The following ZFHX3 variants were observed in gnomAD, a reference collection of about 807,000 sequenced individuals.
The protein encoded by ZFHX3 is zinc finger homeobox protein 3.
ZFHX3 carries 42 observed loss-of-function variants against 279.1 expected under a neutral mutation model. The observed-to-expected ratio is 0.15, with a 90% CI of 0.12 to 0.19. The LOEUF (loss-of-function observed/expected upper bound fraction) is 0.19, where lower values mean the gene tolerates loss of function less well. ZFHX3 is among the 10% of genes least tolerant of loss of function. The pLI is 1.00. For synonymous variants in ZFHX3, 2,293 were observed against 1,957.8 expected (o/e 1.17, Z -4.52); for missense variants, 4,981 against 4,754.0 (o/e 1.05, Z -1.40).
intron 2 of ZFHX3, among the ~76,000 whole-genome samples, chr16:73,649,495 T>A (rs537915904): frequency 5.3e-5 from 8 of 152,220 alleles, no homozygotes; most frequent in Non-Finnish European, 1.2e-4. Flanking sequence ...AGTGATTGTC[T>A]TTGGGTAAGA....
At chr16:73,323,123 G>A (rs897487557) in intron 3 of ZFHX3, among the ~76,000 whole-genome samples, 6 of 152,134 alleles carry the variant, frequency 3.9e-5, no homozygotes, top group Admixed American at 6.5e-5. Context: ...GAAGGAGAGC[G>A]ATCATCATGG....
At chr16:73,538,413 G>A (rs959369539) in intron 2 of ZFHX3, among the ~76,000 whole-genome samples, 1 of 152,130 alleles carries the variant, frequency 6.6e-6, no homozygotes, top group East Asian at 1.9e-4. Context: ...AGCTCTGAAG[G>A]TATCATCATT....
chr16:73,122,092 T>C (rs1966506062), intron 7 of ZFHX3, among the ~76,000 whole-genome samples: 1 of 152,202 alleles, frequency 6.6e-6, no homozygotes, highest in African/African-American at 2.4e-5. Context: ...GCAGGAACCA[T>C]ATTTTATATT....
chr16:73,331,097 A>G (rs761123094), intron 3 of ZFHX3, among the ~76,000 whole-genome samples: 19 of 152,198 alleles, frequency 1.2e-4, no homozygotes, highest in East Asian at 1.9e-4. Context: ...GAGGCCTCAG[A>G]AAACTTACAA....
chr16:72,811,522 G>T, intron 7 of ZFHX3, 55 bp downstream of exon 7: 1 of 1,460,780 alleles, frequency 6.8e-7, no homozygotes, highest in Non-Finnish European at 9.2e-7. Context: ...CCATGTTACT[G>T]CATCACCTTT....
At chr16:72,882,093 C>A (rs777741695) in intron 4 of ZFHX3, among the ~76,000 whole-genome samples, 1 of 151,874 alleles carries the variant, frequency 6.6e-6, no homozygotes, top group Non-Finnish European at 1.5e-5. Flanking sequence ...CCGCCCAATG[C>A]TCACCCCTCA....
intron 5 of ZFHX3, among the ~76,000 whole-genome samples, chr16:73,205,077 G>A (rs1284925378): frequency 1.3e-5 from 2 of 152,104 alleles, no homozygotes; most frequent in African/African-American, 4.8e-5. Flanking sequence ...AACGAGTGTG[G>A]GCTGCTCAGA....
At chr16:73,106,640 A>G (rs1966308642) in intron 7 of ZFHX3, among the ~76,000 whole-genome samples, 1 of 152,210 alleles carries the variant, frequency 6.6e-6, no homozygotes, top group South Asian at 2.1e-4. Flanking sequence ...GGCTGTTGTA[A>G]TTCTGTGCAA....
chr16:73,623,390 C>A (rs2052386007), intron 2 of ZFHX3, among the ~76,000 whole-genome samples: 1 of 152,016 alleles, frequency 6.6e-6, no homozygotes, highest in Admixed American at 6.6e-5. Context: ...TAATTCAAAA[C>A]TGTGAATCTT....
At chr16:73,244,501 G>A (rs1241030959) in intron 5 of ZFHX3, among the ~76,000 whole-genome samples, 1 of 152,204 alleles carries the variant, frequency 6.6e-6, no homozygotes, top group Non-Finnish European at 1.5e-5. Context: ...ACTGATTATG[G>A]CATAACAGTC....
At chr16:73,791,757 G>A (rs146971137) in intron 1 of ZFHX3, among the ~76,000 whole-genome samples, 289 of 152,272 alleles carry the variant, frequency 1.9e-3, no homozygotes, top group African/African-American at 6.5e-3. Flanking sequence ...CCCGGATAAC[G>A]CTAATGTTGC....
At chr16:73,445,302 A>ATGTG (rs71156166) in intron 3 of ZFHX3, among the ~76,000 whole-genome samples, 3,716 of 149,494 alleles carry the variant, frequency 0.025, 162 homozygotes, top group African/African-American at 0.085. Context: ...ATGTATATGT[A>ATGTG]TGTGTGTGTG....
intron 3 of ZFHX3, among the ~76,000 whole-genome samples, chr16:72,903,457 C>T (rs1567574542): frequency 6.6e-6 from 1 of 152,194 alleles, no homozygotes; most frequent in Non-Finnish European, 1.5e-5. Context: ...ACAAGGCAGG[C>T]TTCTAGTAGG....
chr16:73,510,654 T>C (rs923292675), intron 2 of ZFHX3, among the ~76,000 whole-genome samples: 4 of 152,250 alleles, frequency 2.6e-5, no homozygotes, highest in Non-Finnish European at 5.9e-5. Context: ...ATCACTGTGA[T>C]GTGAATAGCA....
At chr16:73,310,948 C>T (rs982245399) in intron 4 of ZFHX3, among the ~76,000 whole-genome samples, 6 of 152,046 alleles carry the variant, frequency 3.9e-5, no homozygotes, top group African/African-American at 1.4e-4. Flanking sequence ...ACACAAACAC[C>T]CCAGCCAGGT....
intron 8 of ZFHX3, among the ~76,000 whole-genome samples, chr16:73,071,492 G>T (rs1965826918): frequency 1.3e-5 from 2 of 152,012 alleles, no homozygotes; most frequent in African/African-American, 4.8e-5. Flanking sequence ...CGCCGCCGCC[G>T]CCGCCGATAC....
At position 73,836,389 on chromosome 16, in the gene ZFHX3, G is replaced by A. The variant is rs74879696; in HGVS notation, c.-1608+55262C>T. ...ATTTAAAGTGAGATTCTTAAATACC[G>A]AAATGGGTTATTTAACATGTTCATT... On this transcript the variant is annotated intron_variant, in intron 1 of 17. Transcript: ENST00000641206. Among the ~76,000 whole-genome samples the A allele has an allele frequency of 1.4e-4, 21 of 152,296 alleles. No individual in the cohort carries two copies. The East Asian group carries it at 3.3e-3, about 24-fold the overall frequency.
chr16:72,943,637 A>G (rs556502568), intron 3 of ZFHX3, among the ~76,000 whole-genome samples: 3 of 152,360 alleles, frequency 2.0e-5, no homozygotes, highest in Admixed American at 1.3e-4. Context: ...TGTCAATCTG[A>G]CAATGAAAAT....
intron 2 of ZFHX3, among the ~76,000 whole-genome samples, chr16:73,656,317 AC>A (rs1316413610): frequency 6.6e-6 from 1 of 152,148 alleles, no homozygotes; most frequent in Non-Finnish European, 1.5e-5. Flanking sequence ...CATAATGTTG[AC>A]CCCCCAAAAA....
Sources: gnomAD v4.1 joint callset for allele counts (sites outside exome capture counted in the v4.1 genomes callset) on GRCh38, gnomAD v4.1.1 for gene constraint, MANE v1.5 for transcripts, NCBI Gene and HGNC (gene_info 2026-07-23, HGNC 2026-07-21) for gene names.